TRPV1: variants seen among roughly 807,000 people sequenced by gnomAD.
The protein encoded by TRPV1 is transient receptor potential cation channel subfamily V member 1, also known as OTRPC1.
A neutral mutation model predicts 82.3 loss-of-function variants in TRPV1; 82 were observed. The observed-to-expected ratio is 1.00, with a 90% CI of 0.83 to 1.20. The LOEUF (loss-of-function observed/expected upper bound fraction) is 1.20. TRPV1 is among the 50% of genes most tolerant of loss of function. The pLI, the probability that TRPV1 is intolerant of heterozygous loss-of-function variation, is 0.00. For missense variants in TRPV1, 1,067 were observed against 1,096.8 expected (o/e 0.97, Z 0.38); for synonymous variants, 515 against 467.7 (o/e 1.10, Z -1.30).
At chr17:3,571,998 C>G in intron 15 of TRPV1, 124 bp downstream of exon 15, 2 of 1,284,778 alleles carry the variant, frequency 1.6e-6, no homozygotes, top group East Asian at 2.5e-5. Flanking sequence ...ATCCCTACAG[C>G]TGGCATTGGG....
At chr17:3,582,193 A>AAAAAAAAAAAAAAAAAAAAAAC (rs2075029446) in intron 10 of TRPV1, among the ~76,000 whole-genome samples, 1 of 140,452 alleles carries the variant, frequency 7.1e-6, no homozygotes, top group Admixed American at 7.3e-5. Context: ...CCATCTCAAA[A>AAAAAAAAAAAAAAAAAAAAAAC]AAAAAAAAAA....
At chr17:3,577,398 G>A (rs2074947618) in intron 12 of TRPV1, among the ~76,000 whole-genome samples, 200 bp downstream of exon 12, 1 of 151,974 alleles carries the variant, frequency 6.6e-6, no homozygotes, top group Non-Finnish European at 1.5e-5. Flanking sequence ...CTGGTGTGCA[G>A]GGGGGGTCAG....
At chr17:3,577,241 G>A (rs1481247467) in intron 12 of TRPV1, 49 bp from the exon 13 acceptor site, 2 of 1,550,098 alleles carry the variant, frequency 1.3e-6, no homozygotes, top group East Asian at 2.4e-5. Context: ...CCCAGGAGGA[G>A]CTGAGGGAAG....
At chr17:3,583,098 G>A (rs572729777) in intron 10 of TRPV1, among the ~76,000 whole-genome samples, 4 of 152,256 alleles carry the variant, frequency 2.6e-5, no homozygotes, top group African/African-American at 9.6e-5. Flanking sequence ...CCGTTCCGTG[G>A]AGTGGCTGGA....
chr17:3,599,888 G>A (rs978991661), intron 2 of TRPV1, among the ~76,000 whole-genome samples: 39 of 152,074 alleles, frequency 2.6e-4, no homozygotes, highest in Non-Finnish European at 4.6e-4. Flanking sequence ...CAAAGTGTTG[G>A]GATTACAGGC....
At position 3,566,862 on chromosome 17, in the gene TRPV1, C is replaced by G; in HGVS notation, c.2473G>C (p.Glu825Gln). The G allele has an allele frequency of 1.9e-6, 3 of 1,613,986 alleles. No individual in the cohort carries two copies. The highest frequency in any genetic ancestry group is 2.7e-5 in the African/African-American group (2 of 75,050). ...GGACTCTTGAAGACCTCAGCGTCCT[C>G]TGGCTTCAGAGACCCTGAAAACTGT... ...LRQFSGSLKP[E>Q]DAEVFKSPAA... is the part of the protein sequence containing the mutation. Residue 825 changes from glutamate (E) to glutamine (Q), a missense_variant, in exon 17 of 17, where the codon GAG becomes CAG. Coordinates refer to ENST00000572705, the MANE Select transcript of TRPV1 (RefSeq NM_080704.4).
intron 10 of TRPV1, among the ~76,000 whole-genome samples, chr17:3,581,878 C>A (rs2150837657): frequency 1.7e-5 from 2 of 119,852 alleles, no homozygotes; most frequent in African/African-American, 5.7e-5. Context: ...AAGCGAGACT[C>A]CATCTCAGAA....
chr17:3,577,988 A>T (rs1330716335), intron 11 of TRPV1: 2 of 516,068 alleles, frequency 3.9e-6, no homozygotes, highest in Non-Finnish European at 7.0e-6. Flanking sequence ...CTCACTCTTT[A>T]TGTATAAAGC....
chr17:3,581,613 A>G (rs113452072), intron 10 of TRPV1, among the ~76,000 whole-genome samples: 36 of 152,352 alleles, frequency 2.4e-4, no homozygotes, highest in African/African-American at 6.7e-4. Context: ...AAGGCTGGGC[A>G]CAGTGGCTCA....
At position 3,600,461 on chromosome 17, in the gene TRPV1, C is replaced by G. The variant is rs371700105; in HGVS notation, c.-34+7966G>C. Reference sequence around the variant, plus strand: ...AAAATTAGCTGGGCGTGGTGGTGCACGCCTGTAGTCCCAGCTACTCTGGAG... The same window carrying G: ...AAAATTAGCTGGGCGTGGTGGTGCAGGCCTGTAGTCCCAGCTACTCTGGAG... On this transcript the variant is annotated intron_variant, in intron 2 of 16. Transcript: ENST00000572705. Among the ~76,000 whole-genome samples the G allele has an allele frequency of 1.1e-4, 16 of 152,062 alleles. No homozygotes were observed. In the East Asian group the frequency reaches 3.1e-3, roughly 29 times the overall value.
At chr17:3,588,390 C>G (rs1247884155) in intron 7 of TRPV1, 23 bp from the exon 8 acceptor site, 7 of 1,547,830 alleles carry the variant, frequency 4.5e-6, no homozygotes, top group Non-Finnish European at 6.1e-6. Flanking sequence ...AGCAAGAGCC[C>G]GTCAGAGGCC....
chr17:3,601,736 A>G (rs2075264782), intron 2 of TRPV1: 2 of 148,466 alleles, frequency 1.3e-5, no homozygotes, highest in African/African-American at 5.0e-5. Context: ...AACTGGGACT[A>G]CAGGTGTGCA....
intron 16 of TRPV1, among the ~76,000 whole-genome samples, chr17:3,570,620 C>T (rs1206222896): frequency 6.6e-6 from 1 of 152,132 alleles, no homozygotes; most frequent in Non-Finnish European, 1.5e-5. Context: ...GGTAAACGTC[C>T]TCAATTAGAC....
Position 3,577,628 on chromosome 17 carries a change from C to G in TRPV1, c.1683G>C (p.Gln561His). Residue 561 changes from glutamine (Q) to histidine (H), a missense_variant, in exon 12 of 17, where the codon CAG becomes CAC. Gln to His is a conservative substitution (Grantham distance 24, BLOSUM62 0). Transcript: ENST00000572705. ...CTATCATGACGGCATAGATGCCCAT[C>G]TGCTGGAAACCGCGGGTGTAGTAGA... ...NMLYYTRGFQ[Q>H]MGIYAVMIEK... 1 of 1,583,376 alleles carries G rather than the reference C, an allele frequency of 6.3e-7. No individual in the cohort carries two copies. Among genetic ancestry groups the G allele is most frequent in the Non-Finnish European group, 8.6e-7 (1 of 1,165,036 alleles).
intron 2 of TRPV1, among the ~76,000 whole-genome samples, chr17:3,601,331 G>GC: frequency 6.6e-6 from 1 of 151,330 alleles, no homozygotes; most frequent in South Asian, 2.1e-4. Context: ...TCCTGATCAG[G>GC]CCCCCTTGCC....
At chr17:3,577,293 C>G (rs890177095) in intron 12 of TRPV1, 101 bp from the exon 13 acceptor site, 14 of 1,310,028 alleles carry the variant, frequency 1.1e-5, no homozygotes, top group Middle Eastern at 2.1e-4. Flanking sequence ...TGAGAACGTG[C>G]AGGGCGGTTT....
At chr17:3,577,574 C>T (rs377061340) in intron 12 of TRPV1, 24 bp downstream of exon 12, 30 of 1,561,958 alleles carry the variant, frequency 1.9e-5, no homozygotes, top group African/African-American at 1.4e-4. Flanking sequence ...TCTGAGGAGA[C>T]CCACTGGGGC....
rs781093926 is a variant in TRPV1, at chr17:3,591,169, G to A, written c.451+18C>T. The A allele has an allele frequency of 2.5e-6, 4 of 1,608,120 alleles. No individual in the cohort carries two copies. Among genetic ancestry groups the A allele is most frequent in the Admixed American group, 3.4e-5 (2 of 58,680 alleles). The stretch of plus-strand genomic sequence containing the variant: ...AGGCCAGGGCTGGGGCCCTCCCCGA[G>A]CCCAGCGCTGGGGCCACCTTTGAAC... On this transcript the variant is annotated intron_variant, in intron 4 of 16. Transcript: ENST00000572705.
chr17:3,600,985 C>G (rs1210868298), intron 2 of TRPV1, among the ~76,000 whole-genome samples: 1 of 152,124 alleles, frequency 6.6e-6, no homozygotes. Flanking sequence ...GAGCTCCATC[C>G]CTGCCTCCCT....
Sources: allele counts gnomAD v4.1 joint callset (sites outside exome capture counted in the v4.1 genomes callset), GRCh38; gene constraint gnomAD v4.1.1; transcripts MANE v1.5; gene names NCBI Gene and HGNC (gene_info 2026-07-23, HGNC 2026-07-21).